DLG2: variants seen among roughly 807,000 people sequenced by gnomAD.
DLG2 encodes the protein discs large MAGUK scaffold protein 2.
In DLG2, 45 loss-of-function variants were observed where a neutral mutation model predicts 132.5. The ratio of observed to expected loss-of-function variants is 0.34; its 90% confidence interval spans 0.27 to 0.44. The LOEUF (loss-of-function observed/expected upper bound fraction) is 0.44. Among genes scored for constraint, DLG2 ranks in the 20% least tolerant of loss-of-function variants. The pLI is 1.00. For missense variants in DLG2, 1,045 were observed against 1,196.9 expected, an observed-to-expected ratio of 0.87 and a Z score of 1.87; for synonymous variants, 424 against 419.6, an observed-to-expected ratio of 1.01 and a Z score of -0.13.
chr11:83,995,666 A>G (rs2093984243), intron 11 of DLG2, among the ~76,000 whole-genome samples: 1 of 152,282 alleles, frequency 6.6e-6, no homozygotes, highest in Non-Finnish European at 1.5e-5. Flanking sequence ...CCAGAAACAA[A>G]TCTATACATC....
intron 6 of DLG2, among the ~76,000 whole-genome samples, chr11:84,947,290 G>A (rs2050339845): frequency 6.6e-6 from 1 of 152,150 alleles, no homozygotes. Flanking sequence ...GATCACTGGA[G>A]GGTTCTATTT....
chr11:83,790,525 G>C, intron 17 of DLG2: 1 of 1,272,188 alleles, frequency 7.9e-7, no homozygotes, highest in South Asian at 1.2e-5. Flanking sequence ...GCAACACCAG[G>C]AGCAGAGTTA....
chr11:84,274,539 G>A (rs2097767158), intron 7 of DLG2, among the ~76,000 whole-genome samples: 3 of 152,230 alleles, frequency 2.0e-5, no homozygotes, highest in African/African-American at 7.2e-5. Context: ...GCATGATTTG[G>A]GTTACCTAGT....
intron 16 of DLG2, among the ~76,000 whole-genome samples, 174 bp downstream of exon 16, chr11:83,874,246 G>GGGGAAGGAAGGAAGGAGAGAGGGAA (rs2064133362): frequency 6.9e-6 from 1 of 143,972 alleles, no homozygotes; most frequent in African/African-American, 2.6e-5. Context: ...AAAGAAAGAA[G>GGGGAAGGAAGGAAGGAGAGAGGGAA]GGAAGGAAGG....
chr11:85,590,311 T>C (rs2079230819), intron 3 of DLG2, among the ~76,000 whole-genome samples: 1 of 152,192 alleles, frequency 6.6e-6, no homozygotes, highest in Non-Finnish European at 1.5e-5. Flanking sequence ...CAACATGTAA[T>C]CAATAAACAA....
intron 8 of DLG2, among the ~76,000 whole-genome samples, chr11:84,246,772 T>A (rs958123524): frequency 1.3e-5 from 2 of 152,190 alleles, no homozygotes; most frequent in Non-Finnish European, 2.9e-5. Context: ...ACCAGGAGAT[T>A]TGGAATGTGT....
At chr11:84,998,676 C>G (rs1333091112) in intron 6 of DLG2, among the ~76,000 whole-genome samples, 1 of 152,018 alleles carries the variant, frequency 6.6e-6, no homozygotes, top group Non-Finnish European at 1.5e-5. Context: ...CCTTTTATAC[C>G]TTCCAAGACC....
chr11:83,716,403 A>G (rs1005143275), intron 18 of DLG2, among the ~76,000 whole-genome samples: 2 of 152,290 alleles, frequency 1.3e-5, no homozygotes, highest in Admixed American at 1.3e-4. Context: ...TGGAATTAAC[A>G]TCAGTTGCTC....
chr11:84,610,782 A>G (rs1456866572), intron 6 of DLG2, among the ~76,000 whole-genome samples: 1 of 152,090 alleles, frequency 6.6e-6, no homozygotes, highest in African/African-American at 2.4e-5. Context: ...GGTGTAGCAC[A>G]GGCCATTCAT....
At chr11:84,959,940 T>C (rs1029212974) in intron 6 of DLG2, among the ~76,000 whole-genome samples, 3 of 152,130 alleles carry the variant, frequency 2.0e-5, no homozygotes, top group East Asian at 1.9e-4. Flanking sequence ...ACTTTAAAGA[T>C]TGGTTCTGTG....
intron 2 of DLG2, among the ~76,000 whole-genome samples, chr11:85,622,093 GCAAAAAGATTACTACTCGC>G (rs1158729516): frequency 6.6e-6 from 1 of 152,122 alleles, no homozygotes; most frequent in Non-Finnish European, 1.5e-5. Context: ...TCTTCCACCA[GCAAAAAGATTACTACTCGC>G]TAAAGGCTCA....
At chr11:85,489,441 G>C (rs2093506746) in intron 3 of DLG2, among the ~76,000 whole-genome samples, 1 of 152,054 alleles carries the variant, frequency 6.6e-6, no homozygotes, top group South Asian at 2.1e-4. Context: ...CAGAGAGAGG[G>C]ACAGTAAAAC....
intron 7 of DLG2, among the ~76,000 whole-genome samples, chr11:84,527,893 TTCTCTCTC>T (rs60170305): frequency 2.7e-3 from 335 of 125,664 alleles, no homozygotes; most frequent in Admixed American, 4.8e-3. Context: ...CTCCCTCCCT[TTCTCTCTC>T]TCTCTCTCTC....
intron 18 of DLG2, among the ~76,000 whole-genome samples, chr11:83,770,274 C>CTTTTTTTTTTTTTTTTTTTTTTT (rs1594049476): frequency 5.5e-5 from 6 of 108,614 alleles, no homozygotes; most frequent in African/African-American, 1.3e-4. Context: ...TGTTTTTTTG[C>CTTTTTTTTTTTTTTTTTTTTTTT]TTTTTGTACA....
At chr11:84,905,379 C>A (rs2091385908) in intron 6 of DLG2, among the ~76,000 whole-genome samples, 1 of 152,124 alleles carries the variant, frequency 6.6e-6, no homozygotes, top group Non-Finnish European at 1.5e-5. Flanking sequence ...TCTCTCTCTG[C>A]CATTAAAAGA....
intron 8 of DLG2, among the ~76,000 whole-genome samples, chr11:84,225,337 T>C (rs1440851546): frequency 6.6e-6 from 1 of 152,196 alleles, no homozygotes; most frequent in Non-Finnish European, 1.5e-5. Flanking sequence ...ACAACAGAGA[T>C]TATTCAGCTT....
chr11:85,362,585 C>T (rs1746861774), intron 3 of DLG2, among the ~76,000 whole-genome samples: 1 of 151,532 alleles, frequency 6.6e-6, no homozygotes, highest in Admixed American at 6.6e-5. Flanking sequence ...TTCCTCTTTT[C>T]CAATTTGGAT....
intron 6 of DLG2, among the ~76,000 whole-genome samples, chr11:84,960,027 T>C (rs1215779477): frequency 1.3e-5 from 2 of 152,210 alleles, no homozygotes; most frequent in Non-Finnish European, 2.9e-5. Context: ...ATGTTCCAGG[T>C]CTTTGCAAGG....
intron 6 of DLG2, among the ~76,000 whole-genome samples, chr11:84,544,944 T>C (rs941131486): frequency 6.6e-6 from 1 of 152,226 alleles, no homozygotes; most frequent in African/African-American, 2.4e-5. Context: ...TAACCTGTTA[T>C]ACAATTAGTC....
Sources: allele counts gnomAD v4.1 joint callset (sites outside exome capture counted in the v4.1 genomes callset), GRCh38; gene constraint gnomAD v4.1.1; transcripts MANE v1.5; gene names NCBI Gene and HGNC (gene_info 2026-07-23, HGNC 2026-07-21).